Variants in SH3KBP1 observed in about 807,000 individuals in gnomAD.
SH3KBP1 encodes SH3 domain containing kinase binding protein 1, also known as SH3 domain-containing kinase-binding protein 1.
In SH3KBP1, 8 loss-of-function variants were observed where a neutral mutation model predicts 50.1. That is an observed-to-expected ratio of 0.16 (90% confidence interval 0.09 to 0.29). The LOEUF (loss-of-function observed/expected upper bound fraction) is 0.29, where lower values mean the gene tolerates loss of function less well. Among genes scored for constraint, SH3KBP1 ranks in the 10% least tolerant of loss-of-function variants. The pLI, the probability that SH3KBP1 is intolerant of heterozygous loss-of-function variation, is 1.00. For synonymous variants in SH3KBP1, 227 were observed against 218.6 expected (o/e 1.04, Z -0.34); for missense variants, 377 against 535.2 (o/e 0.70, Z 2.92).
chrX:19,803,196 A>C (rs952977856), intron 2 of SH3KBP1, among the ~76,000 whole-genome samples: 6 of 111,950 alleles, frequency 5.4e-5, no homozygotes, highest in African/African-American at 1.9e-4. Flanking sequence ...GCTTCAGAAA[A>C]GGAAGACAGG....
At chrX:19,886,682 G>A (rs751771253) in intron 1 of SH3KBP1, among the ~76,000 whole-genome samples, 3 of 111,362 alleles carry the variant, frequency 2.7e-5, no homozygotes, top group Non-Finnish European at 5.7e-5. Flanking sequence ...AGCTCGCCAG[G>A]CTGGAGGAAG....
At position 19,658,069 on chromosome X, in the gene SH3KBP1, T is replaced by C. The variant is rs376377984; in HGVS notation, c.727-12594A>G. Among the ~76,000 whole-genome samples the C allele has an allele frequency of 3.6e-5, 4 of 111,952 alleles. No individual in the cohort carries two copies. In the East Asian group the frequency reaches 1.1e-3, roughly 31 times the overall value. On this transcript the variant is annotated intron_variant, in intron 6 of 17. Transcript: ENST00000397821. The stretch of plus-strand genomic sequence containing the variant: ...AAAAACGGCTAAGCTGCTTATGTTA[T>C]GTATATTTTACCACATATTCTTCTT...
At chrX:19,782,986 G>A (rs755028335) in intron 2 of SH3KBP1, among the ~76,000 whole-genome samples, 8 of 111,793 alleles carry the variant, frequency 7.2e-5, no homozygotes, top group Admixed American at 2.8e-4. Flanking sequence ...GTGGTGGCGC[G>A]TGCACAGGCA....
At chrX:19,648,528 G>A (rs935798141) in intron 6 of SH3KBP1, among the ~76,000 whole-genome samples, 1 of 111,311 alleles carries the variant, frequency 9.0e-6, no homozygotes. Context: ...CTGGAAGGCT[G>A]TATCTAGCCT....
chrX:19,861,186 T>C (rs56055071), intron 1 of SH3KBP1, among the ~76,000 whole-genome samples: 31,595 of 108,706 alleles, frequency 0.29, 5,824 homozygotes, highest in African/African-American at 0.67. Flanking sequence ...ACCATCCTGG[T>C]TAACACGGTG....
intron 1 of SH3KBP1, among the ~76,000 whole-genome samples, chrX:19,849,664 C>A (rs1017182157): frequency 4.0e-5 from 4 of 98,770 alleles, no homozygotes; most frequent in Non-Finnish European, 8.0e-5. Flanking sequence ...CCACTGCACT[C>A]CAGCCTGGGT....
chrX:19,724,432 C>T (rs1461599260), intron 3 of SH3KBP1, among the ~76,000 whole-genome samples: 7 of 112,225 alleles, frequency 6.2e-5, no homozygotes, highest in Non-Finnish European at 1.9e-5. Context: ...GACGAAACTT[C>T]CCGGCAGGCA....
chrX:19,725,248 T>C (rs1319025859), intron 3 of SH3KBP1, among the ~76,000 whole-genome samples: 1 of 101,308 alleles, frequency 9.9e-6, no homozygotes, highest in African/African-American at 3.7e-5. Flanking sequence ...AGACCAGGAG[T>C]TTGAACCCAG....
chrX:19,884,327 T>TTGGA (rs777068068), intron 1 of SH3KBP1, among the ~76,000 whole-genome samples: 116 of 112,476 alleles, frequency 1.0e-3, no homozygotes, highest in Non-Finnish European at 1.4e-3. Context: ...TCAACAAACA[T>TTGGA]TGGATGGATG....
At chrX:19,556,677 C>CTT (rs1162370294) in intron 13 of SH3KBP1, among the ~76,000 whole-genome samples, 1 of 110,459 alleles carries the variant, frequency 9.1e-6, no homozygotes, top group East Asian at 2.8e-4. Context: ...TTTGGTTTTT[C>CTT]TTTTTTTTAG....
At chrX:19,838,468 G>C (rs2068120396) in intron 1 of SH3KBP1, among the ~76,000 whole-genome samples, 1 of 112,385 alleles carries the variant, frequency 8.9e-6, no homozygotes, top group Non-Finnish European at 1.9e-5. Flanking sequence ...GGTGCCTCCT[G>C]GTACAGCCTC....
At chrX:19,778,839 C>T in intron 2 of SH3KBP1, among the ~76,000 whole-genome samples, 1 of 110,502 alleles carries the variant, frequency 9.0e-6, no homozygotes, top group Non-Finnish European at 1.9e-5. Context: ...GATAAAATTA[C>T]AACAGATAAG....
chrX:19,588,252 CAT>C (rs2066629139), intron 12 of SH3KBP1: 1 of 838,617 alleles, frequency 1.2e-6, no homozygotes, highest in East Asian at 3.6e-5. Flanking sequence ...CGTAGCCACA[CAT>C]GAGATATACA....
At chrX:19,620,136 G>A (rs1282160212) in intron 8 of SH3KBP1, among the ~76,000 whole-genome samples, 1 of 112,224 alleles carries the variant, frequency 8.9e-6, no homozygotes, top group Non-Finnish European at 1.9e-5. Context: ...AAATCATTTT[G>A]CTTCACAGGT....
intron 2 of SH3KBP1, among the ~76,000 whole-genome samples, chrX:19,753,113 C>A (rs2065114414): frequency 8.9e-6 from 1 of 112,108 alleles, no homozygotes; most frequent in South Asian, 3.7e-4. Flanking sequence ...TGGGCACCAC[C>A]CTGATCTGCC....
intron 7 of SH3KBP1, among the ~76,000 whole-genome samples, chrX:19,633,174 G>C (rs2061618334): frequency 8.9e-6 from 1 of 112,060 alleles, no homozygotes; most frequent in Non-Finnish European, 1.9e-5. Flanking sequence ...AGAAGAGAGG[G>C]AGGAAGGGGA....
At chrX:19,575,354 C>G (rs2066166425) in intron 12 of SH3KBP1, among the ~76,000 whole-genome samples, 1 of 111,671 alleles carries the variant, frequency 9.0e-6, no homozygotes, top group African/African-American at 3.3e-5. Context: ...GGGCTTCTGA[C>G]TCAGGAGAGT....
intron 2 of SH3KBP1, among the ~76,000 whole-genome samples, chrX:19,835,691 G>A (rs1330897340): frequency 3.7e-5 from 4 of 107,504 alleles, no homozygotes; most frequent in African/African-American, 1.4e-4. Flanking sequence ...CGATTCTCCT[G>A]CCTCAGCCTC....
intron 12 of SH3KBP1, among the ~76,000 whole-genome samples, chrX:19,586,679 G>T (rs986274316): frequency 9.0e-6 from 1 of 111,352 alleles, no homozygotes; most frequent in Non-Finnish European, 1.9e-5. Flanking sequence ...GCAATTGTTG[G>T]ACTGGACCTT....
Sources: gnomAD v4.1 joint callset for allele counts (sites outside exome capture counted in the v4.1 genomes callset) on GRCh38, gnomAD v4.1.1 for gene constraint, MANE v1.5 for transcripts, NCBI Gene and HGNC (gene_info 2026-07-23, HGNC 2026-07-21) for gene names.